The following ANKRD11 variants were observed in gnomAD, a reference collection of about 807,000 sequenced individuals.
ANKRD11 encodes the protein ankyrin repeat domain 11, also known as ankyrin repeat domain-containing protein 11.
In ANKRD11, 17 loss-of-function variants were observed where a neutral mutation model predicts 195.7. The ratio of observed to expected loss-of-function variants is 0.09; its 90% CI spans 0.06 to 0.13. The LOEUF is 0.13. Among genes scored for constraint, ANKRD11 ranks in the 10% least tolerant of loss-of-function variants. The probability of loss-of-function intolerance (pLI) is 1.00; values close to 1 mark genes in which losing one functional copy is unlikely to be tolerated. For synonymous variants in ANKRD11, 1,953 were observed against 1,528.1 expected (o/e 1.28, Z -6.49); for missense variants, 3,735 against 3,566.1 (o/e 1.05, Z -1.21).
At chr16:89,440,147 C>T (rs1597407905) in intron 1 of ANKRD11, among the ~76,000 whole-genome samples, 1 of 152,240 alleles carries the variant, frequency 6.6e-6, no homozygotes, top group East Asian at 1.9e-4. Context: ...CTTCCTACTT[C>T]TCCAGTCCTC....
chr16:89,453,079 C>A (rs2044156200), intron 1 of ANKRD11, among the ~76,000 whole-genome samples: 1 of 152,188 alleles, frequency 6.6e-6, no homozygotes, highest in Non-Finnish European at 1.5e-5. Flanking sequence ...AGCCACCACG[C>A]CCGGCTGCAC....
At chr16:89,458,235 T>C (rs2056520946) in intron 1 of ANKRD11, among the ~76,000 whole-genome samples, 1 of 152,206 alleles carries the variant, frequency 6.6e-6, no homozygotes, top group South Asian at 2.1e-4. Context: ...CATTTCTTTT[T>C]TTTTTTTGAG....
In ANKRD11 at chr16:89,479,190, G is replaced by A. The variant is rs563289421; in HGVS notation, c.-145+11055C>T. Reference sequence around the variant, plus strand: ...AAGATTCAGGTGACAGTTAACTGACGTCAAGAGAGTGCAACATCACTAGAA... The same window carrying A: ...AAGATTCAGGTGACAGTTAACTGACATCAAGAGAGTGCAACATCACTAGAA... On this transcript the variant is annotated intron_variant, in intron 1 of 12. Transcript: ENST00000301030. 5.3e-5 allele frequency among the ~76,000 whole-genome samples: 8 copies of A among 152,016 alleles called. No individual in the cohort carries two copies. In the East Asian group the frequency reaches 5.8e-4, roughly 11 times the overall value.
intron 11 of ANKRD11, chr16:89,271,233 A>G: frequency 5.6e-6 from 2 of 355,712 alleles, no homozygotes; most frequent in African/African-American, 2.6e-5. Context: ...AACTCCTGGG[A>G]GAGACTTTTT....
At chr16:89,295,001 C>T (rs952123530) in intron 4 of ANKRD11, among the ~76,000 whole-genome samples, 4 of 152,244 alleles carry the variant, frequency 2.6e-5, no homozygotes, top group East Asian at 1.9e-4. Context: ...CTGTTTCTAC[C>T]GTCCAAATGG....
At position 89,282,748 on chromosome 16, in the gene ANKRD11, G is replaced by T; in HGVS notation, c.3794C>A (p.Ser1265Tyr). Residue 1265 changes from serine (S) to tyrosine (Y), a missense_variant, in exon 9 of 13, where the codon TCC becomes TAC. Ser to Tyr is a moderately radical substitution (Grantham distance 144). Coordinates refer to ENST00000301030, the MANE Select transcript of ANKRD11 (RefSeq NM_013275.6). ...ACTTCTCGAGGACTTCCTCTCCTTG[G>T]AATGTTCTTTGTCCGACTTCTCTTT... ...KHKEKSDKEH[S>Y]KERKSSRSAD... 1 of 1,613,420 alleles carries T rather than the reference G, an allele frequency of 6.2e-7. No individual in the cohort carries two copies. Among genetic ancestry groups the T allele is most frequent in the South Asian group, 1.1e-5 (1 of 91,054 alleles).
rs114895210 is a variant in ANKRD11 at position 89,442,039 on chromosome 16, C to T, written c.-144-23671G>A. Among the ~76,000 whole-genome samples, 958 of 152,272 alleles carry T rather than the reference C, an allele frequency of 6.3e-3. 14 individuals carry two copies. Among genetic ancestry groups the T allele is most frequent in the African/African-American group, 0.022 (916 of 41,536 alleles). On this transcript the variant is annotated intron_variant, in intron 1 of 12. Coordinates refer to ENST00000301030, the MANE Select transcript of ANKRD11 (RefSeq NM_013275.6). ...AATCAGGGTTAGCTGTGACTAAGAT[C>T]CAAGAAATAAACTTTTTAAAAAGTA...
chr16:89,442,349 C>A (rs1479860029), intron 1 of ANKRD11, among the ~76,000 whole-genome samples: 1 of 152,216 alleles, frequency 6.6e-6, no homozygotes, highest in African/African-American at 2.4e-5. Context: ...TGGAGGGATG[C>A]AGTAGAGCTT....
intron 2 of ANKRD11, among the ~76,000 whole-genome samples, chr16:89,370,476 C>G (rs966402613): frequency 2.3e-4 from 35 of 152,304 alleles, no homozygotes; most frequent in Non-Finnish European, 8.8e-5. Flanking sequence ...AGATGACACC[C>G]AGGGCCTTGA....
At chr16:89,278,646 G>C (rs549533803) in intron 9 of ANKRD11, 3 of 463,606 alleles carry the variant, frequency 6.5e-6, no homozygotes, top group Non-Finnish European at 1.3e-5. Context: ...CATCGTGCAG[G>C]TATGGAGGCT....
intron 11 of ANKRD11, 126 bp downstream of exon 11, chr16:89,274,688 T>C: frequency 7.2e-7 from 1 of 1,381,598 alleles, no homozygotes; most frequent in Non-Finnish European, 1.0e-6. Context: ...AAGGACTCTG[T>C]AGCCCCTGCA....
intron 2 of ANKRD11, among the ~76,000 whole-genome samples, chr16:89,327,911 T>C (rs2037819912): frequency 6.6e-6 from 1 of 152,242 alleles, no homozygotes; most frequent in Non-Finnish European, 1.5e-5. Flanking sequence ...TAAAAACTTT[T>C]GCTCTTTGAA....
intron 2 of ANKRD11, among the ~76,000 whole-genome samples, chr16:89,321,877 C>T (rs1199076785): frequency 3.9e-5 from 6 of 152,188 alleles, no homozygotes; most frequent in Non-Finnish European, 8.8e-5. Flanking sequence ...TCTCCTCTTC[C>T]TCTTCAGCCT....
intron 1 of ANKRD11, among the ~76,000 whole-genome samples, chr16:89,479,189 C>T (rs1177562312): frequency 4.0e-5 from 6 of 151,882 alleles, no homozygotes; most frequent in Admixed American, 6.6e-5. Flanking sequence ...AGTTAACTGA[C>T]GTCAAGAGAG....
chr16:89,383,138 C>T (rs3114890), intron 2 of ANKRD11, among the ~76,000 whole-genome samples: 1 of 152,092 alleles, frequency 6.6e-6, no homozygotes, highest in Non-Finnish European at 1.5e-5. Flanking sequence ...TGCGGACCCA[C>T]AGCCTAAGGC....
At chr16:89,454,341 G>A (rs1401828391) in intron 1 of ANKRD11, among the ~76,000 whole-genome samples, 2 of 152,120 alleles carry the variant, frequency 1.3e-5, no homozygotes, top group African/African-American at 4.8e-5. Context: ...GCAAGGATCC[G>A]ACCCACATGG....
intron 2 of ANKRD11, among the ~76,000 whole-genome samples, chr16:89,360,334 C>T (rs550798832): frequency 2.0e-5 from 3 of 152,156 alleles, no homozygotes; most frequent in Non-Finnish European, 2.9e-5. Flanking sequence ...TGGGTTCAGG[C>T]AATCCTCTCG....
chr16:89,330,490 G>A (rs958863386), intron 2 of ANKRD11, among the ~76,000 whole-genome samples: 7 of 152,096 alleles, frequency 4.6e-5, no homozygotes, highest in Admixed American at 2.0e-4. Flanking sequence ...GGACATGTCC[G>A]TGGGGCTACG....
chr16:89,337,346 C>T (rs1329350354), intron 2 of ANKRD11, among the ~76,000 whole-genome samples: 2 of 148,878 alleles, frequency 1.3e-5, no homozygotes, highest in Non-Finnish European at 3.0e-5. Flanking sequence ...AGCACTGGGT[C>T]TCATTGGATT....
Sources: gnomAD v4.1 joint callset for allele counts (sites outside exome capture counted in the v4.1 genomes callset) on GRCh38, gnomAD v4.1.1 for gene constraint, MANE v1.5 for transcripts, NCBI Gene and HGNC (gene_info 2026-07-23, HGNC 2026-07-21) for gene names.